LNPEP: variants seen among roughly 807,000 people sequenced by gnomAD.
LNPEP encodes the protein leucyl and cystinyl aminopeptidase, also known as leucyl-cystinyl aminopeptidase.
In LNPEP, 64 loss-of-function variants were observed where a neutral mutation model predicts 120.6. The observed-to-expected ratio is 0.53, with a 90% CI of 0.43 to 0.65. LNPEP has a LOEUF of 0.65. Ranked by LOEUF, LNPEP falls within the 30% of genes least tolerant of loss-of-function variation. LNPEP has a pLI of 0.00. For missense variants in LNPEP, 1,057 were observed against 1,200.0 expected (o/e 0.88, Z 1.76); for synonymous variants, 435 against 425.4 (o/e 1.02, Z -0.28).
chr5:96,970,084 G>T (rs551742891), intron 1 of LNPEP, among the ~76,000 whole-genome samples: 8 of 151,896 alleles, frequency 5.3e-5, no homozygotes, highest in African/African-American at 1.9e-4. Context: ...TTTTGAAGTT[G>T]ATTGTGATTT....
At chr5:96,940,695 A>G (rs1350362970) in intron 1 of LNPEP, among the ~76,000 whole-genome samples, 3 of 152,242 alleles carry the variant, frequency 2.0e-5, no homozygotes, top group Admixed American at 2.0e-4. Context: ...AACCCTGTCT[A>G]TGAAAACATT....
chr5:96,942,675 G>A (rs1243276497), intron 1 of LNPEP, among the ~76,000 whole-genome samples: 3 of 134,024 alleles, frequency 2.2e-5, no homozygotes, highest in Admixed American at 7.6e-5. Flanking sequence ...AAAAAAATAC[G>A]AGAACACTTG....
At chr5:97,013,877 T>C (rs753809790) in intron 12 of LNPEP, 46 bp downstream of exon 12, 7 of 1,349,836 alleles carry the variant, frequency 5.2e-6, no homozygotes, top group African/African-American at 1.5e-5. Flanking sequence ...TAAACAAATG[T>C]CATTGAGGTA....
intron 1 of LNPEP, among the ~76,000 whole-genome samples, chr5:96,951,325 C>T (rs1789318000): frequency 6.6e-6 from 1 of 151,948 alleles, no homozygotes; most frequent in South Asian, 2.1e-4. Context: ...GTGGCGCGAT[C>T]TCAGCTCACT....
chr5:96,936,200 A>T (rs1324118891), intron 1 of LNPEP, 26 bp downstream of exon 1: 1 of 1,429,346 alleles, frequency 7.0e-7, no homozygotes, highest in Non-Finnish European at 9.2e-7. Context: ...AGGCGCCGGG[A>T]CCCGGGCTCT....
chr5:96,988,329 TTTTTC>T (rs1221060810), intron 4 of LNPEP, among the ~76,000 whole-genome samples: 1 of 131,922 alleles, frequency 7.6e-6, no homozygotes, highest in Admixed American at 7.6e-5. Flanking sequence ...TTCTTTTTTC[TTTTTC>T]TTTTCTTTTT....
intron 1 of LNPEP, among the ~76,000 whole-genome samples, chr5:96,974,493 G>C (rs80333754): frequency 0.015 from 2,218 of 152,050 alleles, 51 homozygotes; most frequent in South Asian, 0.088. Flanking sequence ...TTTCTTTACT[G>C]TTCCTTTCCT....
At chr5:96,993,379 C>T (rs924182776) in intron 5 of LNPEP, among the ~76,000 whole-genome samples, 1 of 152,110 alleles carries the variant, frequency 6.6e-6, no homozygotes, top group East Asian at 1.9e-4. Context: ...TGGGAATTTG[C>T]TTATGGCTTA....
At chr5:96,959,794 AT>A (rs1258697238) in intron 1 of LNPEP, among the ~76,000 whole-genome samples, 4 of 152,238 alleles carry the variant, frequency 2.6e-5, no homozygotes, top group African/African-American at 9.6e-5. Context: ...AAGATCTAAA[AT>A]TTTTGATTAT....
intron 2 of LNPEP, 61 bp downstream of exon 2, chr5:96,980,039 C>G (rs928662946): frequency 6.9e-7 from 1 of 1,449,182 alleles, no homozygotes; most frequent in South Asian, 1.4e-5. Flanking sequence ...AATATAGATC[C>G]CTTTGTCCAC....
In LNPEP at chr5:97,033,675, C is replaced by G. The variant is rs1195065639; in HGVS notation, c.*5142C>G. 6.6e-6 allele frequency: 1 copy of G among 152,212 alleles called. No homozygotes were observed. Among genetic ancestry groups the G allele is most frequent in the South Asian group, 2.1e-4 (1 of 4,828 alleles). 9.4% of individuals were successfully genotyped at this position (152,212 alleles called of 1,614,324 possible). ...GTAGCAGCTCTCCTCTTCTGCCCTT[C>G]CCTTAGATTGTCTGTGTGGGCAGGT... is the stretch of plus-strand genomic sequence containing the variant. On this transcript the variant is annotated 3_prime_UTR_variant, in exon 18 of 18. Transcript: ENST00000231368.
At position 97,003,559 on chromosome 5, in the gene LNPEP, G is replaced by A; in HGVS notation, c.1785+13G>A. The A allele has an allele frequency of 6.4e-7, 1 of 1,560,964 alleles. No homozygotes were observed. The highest frequency in any genetic ancestry group is 1.2e-5 in the South Asian group (1 of 83,478). On this transcript the variant is annotated intron_variant, in intron 9 of 17. Coordinates refer to ENST00000231368, the MANE Select transcript of LNPEP (RefSeq NM_005575.3). ...TAGTTTTAATGAGGTAAGTGACCTG[G>A]GTAATTTATTTAGCTCTTACTGTAA...
Position 97,032,070 on chromosome 5 carries a change from G to T in LNPEP, c.*3537G>T, listed in dbSNP as rs963478821. 1.3e-5 allele frequency: 2 copies of T among 152,206 alleles called. No individual in the cohort carries two copies. The highest frequency in any genetic ancestry group is 4.8e-5 in the African/African-American group (2 of 41,518). The allele number at this position is 152,206 out of a possible 1,614,324, so 9.4% of individuals were successfully genotyped here. A position where few individuals can be genotyped will look rare whatever the true frequency, so the allele number is the denominator to read the frequency against. ...GGCTTCAGGGAAGGCAAATACATCT[G>T]AGATGAGCCACCTCCAAGGACAGCA... On this transcript the variant is annotated 3_prime_UTR_variant, in exon 18 of 18. Coordinates refer to ENST00000231368, the MANE Select transcript of LNPEP (RefSeq NM_005575.3).
chr5:96,992,808 A>G (rs1790423975), intron 4 of LNPEP, among the ~76,000 whole-genome samples: 1 of 151,694 alleles, frequency 6.6e-6, no homozygotes, highest in East Asian at 1.9e-4. Flanking sequence ...GGTTGGAATC[A>G]GTAAGTCTTT....
chr5:96,969,305 C>A (rs1374751050), intron 1 of LNPEP, among the ~76,000 whole-genome samples: 2 of 150,766 alleles, frequency 1.3e-5, no homozygotes, highest in Non-Finnish European at 3.0e-5. Flanking sequence ...CTTTAAATAG[C>A]AGTTCTGTAG....
At chr5:97,017,761 G>A (rs1791100223) in intron 13 of LNPEP, among the ~76,000 whole-genome samples, 1 of 152,090 alleles carries the variant, frequency 6.6e-6, no homozygotes, top group Admixed American at 6.6e-5. Context: ...ACAAGTTATT[G>A]CAAACTTGAT....
intron 11 of LNPEP, chr5:97,011,234 G>T (rs982331809): frequency 2.1e-6 from 2 of 975,306 alleles, no homozygotes; most frequent in Non-Finnish European, 2.4e-6. Context: ...CTTTACGTTT[G>T]TTTTTATTAG....
In LNPEP at chr5:97,016,418, T is replaced by C. The variant is rs530630246; in HGVS notation, c.2376+1323T>C. On this transcript the variant is annotated intron_variant, in intron 13 of 17. Coordinates refer to ENST00000231368, the MANE Select transcript of LNPEP (RefSeq NM_005575.3). ...ATTTAATTATCACACAGTGCCAAGG[T>C]AGATATTTCTACCCCCATTAAATAA... 3.9e-5 allele frequency among the ~76,000 whole-genome samples: 6 copies of C among 152,276 alleles called. No homozygotes were observed. In the East Asian group the frequency reaches 9.6e-4, roughly 24 times the overall value.
intron 1 of LNPEP, among the ~76,000 whole-genome samples, chr5:96,961,864 C>G (rs1201660849): frequency 6.6e-6 from 1 of 151,936 alleles, no homozygotes; most frequent in Non-Finnish European, 1.5e-5. Flanking sequence ...CCTGTAGATA[C>G]AGACTAACTG....
Sources: allele counts gnomAD v4.1 joint callset (sites outside exome capture counted in the v4.1 genomes callset), GRCh38; gene constraint gnomAD v4.1.1; transcripts MANE v1.5; gene names NCBI Gene and HGNC (gene_info 2026-07-23, HGNC 2026-07-21).